Variants in MARCHF1 observed in about 807,000 individuals in gnomAD.
MARCHF1 encodes membrane associated ring-CH-type finger 1, also known as E3 ubiquitin-protein ligase MARCHF1.
Under a neutral mutation model 54.2 loss-of-function variants are expected in MARCHF1, and 40 were observed. The observed-to-expected ratio is 0.74, with a 90% CI of 0.57 to 0.96. The LOEUF is 0.96. MARCHF1 is among the 40% of genes least tolerant of loss of function. The pLI is 0.00. For missense variants in MARCHF1, 586 were observed against 656.5 expected, an observed-to-expected ratio of 0.89 and a Z score of 1.17; for synonymous variants, 236 against 236.3, an observed-to-expected ratio of 1.00 and a Z score of 0.01.
At chr4:163,532,340 T>A (rs1459471498) in intron 9 of MARCHF1, among the ~76,000 whole-genome samples, 1 of 151,896 alleles carries the variant, frequency 6.6e-6, no homozygotes, top group Non-Finnish European at 1.5e-5. Flanking sequence ...GGAGAAGGGA[T>A]AGTCTTTTTA....
intron 4 of MARCHF1, among the ~76,000 whole-genome samples, chr4:163,852,142 G>A (rs985823756): frequency 6.6e-5 from 10 of 152,110 alleles, no homozygotes; most frequent in African/African-American, 1.9e-4. Flanking sequence ...ATTATGAGGT[G>A]TAGTAGAAAA....
intron 2 of MARCHF1, among the ~76,000 whole-genome samples, chr4:164,025,392 T>C (rs1442371620): frequency 6.6e-6 from 1 of 151,726 alleles, no homozygotes; most frequent in Non-Finnish European, 1.5e-5. Flanking sequence ...AACCACACTC[T>C]CAGAACACAA....
Position 163,733,213 on chromosome 4 carries a change from ATATATATACACGTG to A in MARCHF1, c.112-32364_112-32351del, listed in dbSNP as rs1561046998. ...TATATATATATATATATATATATAT[ATATATATACACGTG>A]TATATATATATATACACGTGTATAT... On this transcript the variant is annotated intron_variant, in intron 4 of 9. Coordinates refer to ENST00000514618, the MANE Select transcript of MARCHF1 (RefSeq NM_001394959.1). Among the ~76,000 whole-genome samples the A allele has an allele frequency of 2.4e-3, 85 of 36,154 alleles. 4 individuals are homozygous for A. The highest frequency in any genetic ancestry group is 5.0e-3 in the African/African-American group (77 of 15,324). 23.7% of individuals were successfully genotyped at this position (36,154 alleles called of 152,430 possible).
At chr4:164,229,067 G>C (rs1444410513) in intron 1 of MARCHF1, among the ~76,000 whole-genome samples, 1 of 152,170 alleles carries the variant, frequency 6.6e-6, no homozygotes, top group Non-Finnish European at 1.5e-5. Context: ...TGCTCAAAAA[G>C]AAGGATCTCA....
intron 1 of MARCHF1, among the ~76,000 whole-genome samples, chr4:164,118,046 A>G (rs1188555200): frequency 1.3e-5 from 2 of 152,198 alleles, no homozygotes; most frequent in East Asian, 1.9e-4. Flanking sequence ...GTATAGAAAA[A>G]GAAAGTTTAA....
In MARCHF1 at chr4:164,365,984, C is replaced by T. The variant is rs76222081; in HGVS notation, c.-323+17886G>A. Among the ~76,000 whole-genome samples, 444 of 151,998 alleles carry T rather than the reference C, an allele frequency of 2.9e-3. 3 individuals carry two copies. The highest frequency in any genetic ancestry group is 9.2e-3 in the African/African-American group (383 of 41,504). Reference sequence around the variant, plus strand: ...TTGATCATCTCTCTCCCCTCTGAAACGCACACATTGCATACATTTGTTTTG... The same window carrying T: ...TTGATCATCTCTCTCCCCTCTGAAATGCACACATTGCATACATTTGTTTTG... On this transcript the variant is annotated intron_variant, in intron 1 of 9. Transcript: ENST00000514618.
intron 3 of MARCHF1, among the ~76,000 whole-genome samples, chr4:163,964,001 G>T (rs1036657382): frequency 6.6e-6 from 1 of 151,874 alleles, no homozygotes; most frequent in Non-Finnish European, 1.5e-5. Flanking sequence ...TAAATTGTTG[G>T]TTGTTTTACT....
intron 1 of MARCHF1, among the ~76,000 whole-genome samples, chr4:164,293,887 T>C (rs1734347500): frequency 2.6e-5 from 4 of 152,278 alleles, no homozygotes; most frequent in African/African-American, 9.6e-5. Context: ...CATTCCTGGG[T>C]GTGTCTGTGA....
chr4:163,567,109 G>A (rs193021717), intron 8 of MARCHF1, among the ~76,000 whole-genome samples: 4 of 152,144 alleles, frequency 2.6e-5, no homozygotes, highest in East Asian at 3.9e-4. Flanking sequence ...TTTTCTGCAC[G>A]TGTATCCCAG....
chr4:164,054,992 T>C (rs2111053244), intron 2 of MARCHF1, among the ~76,000 whole-genome samples: 1 of 152,306 alleles, frequency 6.6e-6, no homozygotes, highest in African/African-American at 2.4e-5. Context: ...TAGTAAGTGG[T>C]TTTGCGTGTT....
intron 1 of MARCHF1, among the ~76,000 whole-genome samples, chr4:164,149,671 A>G (rs1425574721): frequency 6.6e-6 from 1 of 152,146 alleles, no homozygotes; most frequent in Non-Finnish European, 1.5e-5. Context: ...TCAGTAGTAA[A>G]AATTCCTGGT....
intron 3 of MARCHF1, among the ~76,000 whole-genome samples, chr4:163,937,827 A>C (rs1285801967): frequency 5.3e-5 from 8 of 152,160 alleles, no homozygotes; most frequent in African/African-American, 1.9e-4. Context: ...TAAAAAATTG[A>C]AACTAGCAGA....
intron 4 of MARCHF1, among the ~76,000 whole-genome samples, chr4:163,722,807 T>C (rs946361469): frequency 6.6e-6 from 1 of 152,188 alleles, no homozygotes; most frequent in Admixed American, 6.5e-5. Flanking sequence ...TTGATCTTTG[T>C]TGGTTTAAAG....
chr4:163,612,452 G>T lies in MARCHF1; in HGVS notation c.829C>A (p.Gln277Lys). Residue 277 changes from glutamine to lysine, a missense_variant, in exon 7 of 10, where the codon CAA (glutamine) becomes AAA (lysine). Gln to Lys is a moderately conservative substitution (Grantham distance 53). Coordinates refer to ENST00000514618, the MANE Select transcript of MARCHF1 (RefSeq NM_001394959.1). ...RYHHRDPQLL[Q>K]SLRKNEIMKK... is the part of the protein sequence containing the mutation. ...ATTATTTCATTTTTCCTAAGACTTT[G>T]CAAGAGCTGAGGATCTCTGTGGTGA... The T allele has an allele frequency of 1.3e-6, 2 of 1,535,262 alleles. No individual in the cohort carries two copies. The highest frequency in any genetic ancestry group is 1.7e-6 in the Non-Finnish European group (2 of 1,146,428).
chr4:163,891,871 C>G (rs1750668668), intron 3 of MARCHF1, among the ~76,000 whole-genome samples: 1 of 152,026 alleles, frequency 6.6e-6, no homozygotes, highest in African/African-American at 2.4e-5. Flanking sequence ...TGTGACGGGT[C>G]TTTCTTTTAT....
At chr4:164,197,590 A>C (rs559171396) in intron 1 of MARCHF1, 3 of 1,613,056 alleles carry the variant, frequency 1.9e-6, no homozygotes, top group African/African-American at 1.3e-5. Flanking sequence ...CAGTTCTTCA[A>C]ATTCATCTGT....
At chr4:163,785,549 A>G (rs1747594173) in intron 4 of MARCHF1, among the ~76,000 whole-genome samples, 1 of 152,070 alleles carries the variant, frequency 6.6e-6, no homozygotes, top group African/African-American at 2.4e-5. Context: ...AAAATTTACT[A>G]ATGAAACACA....
chr4:164,086,429 A>G (rs1466510550), intron 2 of MARCHF1, among the ~76,000 whole-genome samples: 1 of 152,010 alleles, frequency 6.6e-6, no homozygotes. Context: ...AAGATCCTTC[A>G]TTAATATAAT....
chr4:163,879,337 TA>T (rs1455262852), intron 3 of MARCHF1, among the ~76,000 whole-genome samples: 1 of 152,204 alleles, frequency 6.6e-6, no homozygotes, highest in Non-Finnish European at 1.5e-5. Flanking sequence ...TAATACAAGC[TA>T]ATTATATATA....
Sources: gnomAD v4.1 joint callset for allele counts (sites outside exome capture counted in the v4.1 genomes callset) on GRCh38, gnomAD v4.1.1 for gene constraint, MANE v1.5 for transcripts, NCBI Gene and HGNC (gene_info 2026-07-23, HGNC 2026-07-21) for gene names.